The following CLSTN2 variants were observed in gnomAD, a reference collection of about 807,000 sequenced individuals.
CLSTN2 encodes the protein calsyntenin 2, also known as calsyntenin-2.
In CLSTN2, 48 loss-of-function variants were observed where a neutral mutation model predicts 101.2. The observed-to-expected ratio is 0.47, with a 90% CI of 0.38 to 0.60. The LOEUF (loss-of-function observed/expected upper bound fraction) is 0.60. CLSTN2 is among the 20% of genes least tolerant of loss of function. The pLI, the probability that CLSTN2 is intolerant of heterozygous loss-of-function variation, is 0.00. For synonymous variants in CLSTN2, 481 were observed against 463.6 expected (o/e 1.04, Z -0.48); for missense variants, 1,160 against 1,238.2 (o/e 0.94, Z 0.95).
intron 4 of CLSTN2, among the ~76,000 whole-genome samples, chr3:140,417,786 T>C (rs555569034): frequency 6.6e-6 from 1 of 152,352 alleles, no homozygotes; most frequent in South Asian, 2.1e-4. Context: ...ATTTTAAATG[T>C]GTATCTTATT....
chr3:140,151,225 A>G (rs955561353), intron 1 of CLSTN2, among the ~76,000 whole-genome samples: 1 of 152,148 alleles, frequency 6.6e-6, no homozygotes, highest in Non-Finnish European at 1.5e-5. Context: ...CTTCTGCACA[A>G]GAGATAAGTG....
intron 5 of CLSTN2, among the ~76,000 whole-genome samples, chr3:140,440,573 A>G (rs2088751283): frequency 6.6e-6 from 1 of 152,192 alleles, no homozygotes; most frequent in Non-Finnish European, 1.5e-5. Flanking sequence ...GTTTGCATTT[A>G]TTGTCTCACA....
intron 8 of CLSTN2, among the ~76,000 whole-genome samples, chr3:140,482,923 C>A (rs1375468944): frequency 6.6e-6 from 1 of 151,816 alleles, no homozygotes; most frequent in East Asian, 1.9e-4. Flanking sequence ...TTTGAAGAGT[C>A]TTTTTTGTCT....
rs559511897 is a variant in CLSTN2 at position 140,224,243 on chromosome 3, C to T, written c.232+48170C>T. 2.6e-5 allele frequency among the ~76,000 whole-genome samples: 4 copies of T among 152,296 alleles called. No homozygotes were observed. In the East Asian group the frequency reaches 5.8e-4, roughly 22 times the overall value. ...TGTGACCAATGGCGAATCATTTAAC[C>T]ATTGTAATCCTCCACTTTCTCATCT... On this transcript the variant is annotated intron_variant, in intron 2 of 16. Coordinates refer to ENST00000458420, the MANE Select transcript of CLSTN2 (RefSeq NM_022131.3).
At chr3:140,380,313 G>A (rs1191338238) in intron 2 of CLSTN2, among the ~76,000 whole-genome samples, 3 of 152,140 alleles carry the variant, frequency 2.0e-5, no homozygotes, top group African/African-American at 4.8e-5. Flanking sequence ...TTCTACTATG[G>A]GTTAGCCCTG....
chr3:140,225,588 C>T (rs1289631575), intron 2 of CLSTN2, among the ~76,000 whole-genome samples: 3 of 152,132 alleles, frequency 2.0e-5, no homozygotes, highest in Non-Finnish European at 4.4e-5. Flanking sequence ...ACCTCCGCCT[C>T]CCGGGTTCAA....
chr3:140,097,429 C>G (rs1195168823), intron 1 of CLSTN2, among the ~76,000 whole-genome samples: 2 of 152,172 alleles, frequency 1.3e-5, no homozygotes, highest in Admixed American at 1.3e-4. Flanking sequence ...TTGCGATCAC[C>G]TTGATGATAA....
chr3:140,383,349 C>A (rs548238210), intron 2 of CLSTN2, among the ~76,000 whole-genome samples: 2 of 152,098 alleles, frequency 1.3e-5, no homozygotes, highest in Non-Finnish European at 2.9e-5. Flanking sequence ...TTAATTATTT[C>A]TAATATTCTG....
intron 16 of CLSTN2, among the ~76,000 whole-genome samples, chr3:140,565,260 C>T (rs1296335198): frequency 6.6e-6 from 1 of 152,020 alleles, no homozygotes; most frequent in Non-Finnish European, 1.5e-5. Context: ...GGAGGTTGGC[C>T]TAGGGGAGAC....
intron 2 of CLSTN2, among the ~76,000 whole-genome samples, chr3:140,180,199 A>T (rs551492991): frequency 6.6e-6 from 1 of 152,268 alleles, no homozygotes; most frequent in Non-Finnish European, 1.5e-5. Context: ...GCCAGTTGGC[A>T]GGGGAGATAA....
intron 1 of CLSTN2, among the ~76,000 whole-genome samples, chr3:140,116,745 A>T (rs1256825293): frequency 6.6e-6 from 1 of 152,106 alleles, no homozygotes; most frequent in Non-Finnish European, 1.5e-5. Context: ...AGCCATGGGA[A>T]ATACCCACCT....
At chr3:140,076,081 C>T (rs2008482660) in intron 1 of CLSTN2, among the ~76,000 whole-genome samples, 1 of 152,168 alleles carries the variant, frequency 6.6e-6, no homozygotes, top group Admixed American at 6.5e-5. Context: ...CCCCTCTCCC[C>T]AGCTTCTGGC....
intron 8 of CLSTN2, among the ~76,000 whole-genome samples, chr3:140,526,235 T>C (rs1187360393): frequency 6.6e-6 from 1 of 152,062 alleles, no homozygotes; most frequent in Admixed American, 6.6e-5. Flanking sequence ...ACAAAATTAA[T>C]GTACAAAAAT....
At chr3:140,250,422 G>T (rs557896193) in intron 2 of CLSTN2, among the ~76,000 whole-genome samples, 1 of 152,344 alleles carries the variant, frequency 6.6e-6, no homozygotes, top group Non-Finnish European at 1.5e-5. Context: ...GGTGGCTACA[G>T]CTGAGAGTCA....
chr3:140,435,291 T>A (rs1228052934), intron 5 of CLSTN2, among the ~76,000 whole-genome samples: 1 of 152,178 alleles, frequency 6.6e-6, no homozygotes, highest in Non-Finnish European at 1.5e-5. Context: ...GATTTTTAGA[T>A]CCCACAAATA....
chr3:140,448,343 G>C (rs1370112756), intron 5 of CLSTN2, among the ~76,000 whole-genome samples, 176 bp from the exon 6 acceptor site: 3 of 152,198 alleles, frequency 2.0e-5, no homozygotes, highest in Non-Finnish European at 4.4e-5. Context: ...ATTTCCCAGG[G>C]AGGAAACCCT....
In CLSTN2 at chr3:140,342,453, T is replaced by C. The variant is rs145589833; in HGVS notation, c.233-61176T>C. ...TTCTTTCATATGCTTTTGTTTCTGC[T>C]TGGGGTCTGGAAGATACACTTCCAG... On this transcript the variant is annotated intron_variant, in intron 2 of 16. Coordinates refer to ENST00000458420, the MANE Select transcript of CLSTN2 (RefSeq NM_022131.3). Among the ~76,000 whole-genome samples, 822 of 152,112 alleles carry C rather than the reference T, an allele frequency of 5.4e-3. 3 individuals are homozygous for C. Among genetic ancestry groups the C allele is most frequent in the African/African-American group, 0.018 (765 of 41,506 alleles).
chr3:140,561,543 T>G (rs368957804), intron 12 of CLSTN2, among the ~76,000 whole-genome samples: 72 of 152,370 alleles, frequency 4.7e-4, no homozygotes, highest in African/African-American at 1.7e-3. Context: ...TCATATTGAC[T>G]TGATTATTAA....
chr3:140,402,670 T>G (rs1470843191), intron 2 of CLSTN2, among the ~76,000 whole-genome samples: 2 of 152,226 alleles, frequency 1.3e-5, no homozygotes, highest in Non-Finnish European at 2.9e-5. Flanking sequence ...TGCCCCTCCT[T>G]GGCCTCAGCA....
Sources: allele counts gnomAD v4.1 joint callset (sites outside exome capture counted in the v4.1 genomes callset), GRCh38; gene constraint gnomAD v4.1.1; transcripts MANE v1.5; gene names NCBI Gene and HGNC (gene_info 2026-07-23, HGNC 2026-07-21).